ZMYM2: variants seen among roughly 807,000 people sequenced by gnomAD.
ZMYM2 encodes zinc finger MYM-type protein 2.
ZMYM2 carries 56 observed loss-of-function variants against 162.8 expected under a neutral mutation model. The ratio of observed to expected loss-of-function variants is 0.34; its 90% CI spans 0.28 to 0.43. The LOEUF is 0.43. ZMYM2 is among the 20% of genes least tolerant of loss of function. ZMYM2 has a pLI of 1.00. For missense variants in ZMYM2, 1,275 were observed against 1,621.8 expected (o/e 0.79, Z 3.67); for synonymous variants, 510 against 541.6 (o/e 0.94, Z 0.81).
intron 6 of ZMYM2, among the ~76,000 whole-genome samples, chr13:20,017,975 C>A (rs1022653284): frequency 6.6e-6 from 1 of 152,006 alleles, no homozygotes; most frequent in African/African-American, 2.4e-5. Flanking sequence ...TTATTTGAAA[C>A]TTGAACATTT....
chr13:19,963,775 A>G (rs932885522), intron 2 of ZMYM2, among the ~76,000 whole-genome samples: 3 of 152,166 alleles, frequency 2.0e-5, no homozygotes, highest in African/African-American at 7.2e-5. Context: ...GCTTTACACA[A>G]TACTTGAAGC....
At chr13:19,900,698 C>T in the ZMYM2 span, among the ~76,000 whole-genome samples, 99,987 of 151,996 alleles carry the variant, frequency 0.66, 35,804 homozygotes, top group East Asian at 0.88. Flanking sequence ...GATGTAGTGT[C>T]ACTGTGCTTG....
the ZMYM2 span, among the ~76,000 whole-genome samples, chr13:19,892,219 G>A: frequency 0.92 from 139,212 of 151,860 alleles, 65,164 homozygotes; most frequent in Non-Finnish European, 1. Flanking sequence ...CTGGGATTAC[G>A]AGTGTGAGCC....
chr13:19,873,351 C>T, the ZMYM2 span, among the ~76,000 whole-genome samples: 1 of 151,444 alleles, frequency 6.6e-6, no homozygotes, highest in South Asian at 2.1e-4. Flanking sequence ...TTTGAAGAGC[C>T]CAGGCCAGTG....
chr13:19,887,402 G>A, the ZMYM2 span, among the ~76,000 whole-genome samples: 4 of 151,482 alleles, frequency 2.6e-5, no homozygotes, highest in African/African-American at 7.3e-5. Flanking sequence ...GGTGGCGGGC[G>A]CCTGTAATCC....
intron 12 of ZMYM2, among the ~76,000 whole-genome samples, chr13:20,039,580 TC>T (rs1427153404): frequency 1.3e-5 from 2 of 151,430 alleles, no homozygotes; most frequent in Admixed American, 1.3e-4. Context: ...TTCACGTCAT[TC>T]TCCTGCCTCA....
chr13:19,934,691 A>C, the ZMYM2 span, among the ~76,000 whole-genome samples: 1 of 152,012 alleles, frequency 6.6e-6, no homozygotes, highest in Non-Finnish European at 1.5e-5. Context: ...AATGACTCTT[A>C]TTAGAATTCT....
the ZMYM2 span, chr13:19,865,191 A>G: frequency 3.9e-5 from 6 of 152,104 alleles, no homozygotes; most frequent in African/African-American, 7.3e-5. Context: ...TGGGCCACAC[A>G]TAAAATACGC....
chr13:20,075,143 T>A (rs766926327), intron 21 of ZMYM2, among the ~76,000 whole-genome samples: 20 of 152,218 alleles, frequency 1.3e-4, no homozygotes, highest in Non-Finnish European at 2.4e-4. Context: ...TCAAGATGTG[T>A]ACAGAAATAG....
intron 3 of ZMYM2, among the ~76,000 whole-genome samples, chr13:19,997,458 A>G (rs1235872017): frequency 4.6e-5 from 7 of 152,040 alleles, no homozygotes. Flanking sequence ...TTTTTTACTC[A>G]GTTTTGAAAT....
chr13:20,082,750 A>C (rs1480042621), intron 22 of ZMYM2, 31 bp from the exon 23 acceptor site: 1 of 1,465,634 alleles, frequency 6.8e-7, no homozygotes, highest in East Asian at 2.5e-5. Context: ...TATTTATTAT[A>C]ATTCTTTTAA....
intron 6 of ZMYM2, among the ~76,000 whole-genome samples, chr13:20,019,100 CAACAACA>C (rs1951859407): frequency 6.7e-5 from 1 of 14,850 alleles, no homozygotes; most frequent in Non-Finnish European, 3.1e-4. Flanking sequence ...AAAACAACAA[CAACAACA>C]AAAAAAAACA....
chr13:19,871,857 T>A, the ZMYM2 span, among the ~76,000 whole-genome samples: 6 of 152,152 alleles, frequency 3.9e-5, no homozygotes, highest in Admixed American at 3.3e-4. Flanking sequence ...ATTCCCTGAC[T>A]GCAATGCACA....
intron 6 of ZMYM2, 61 bp from the exon 7 acceptor site, chr13:20,019,486 C>A: frequency 7.3e-7 from 1 of 1,379,100 alleles, no homozygotes; most frequent in South Asian, 1.4e-5. Flanking sequence ...GCTTATTTAC[C>A]TTTCAATGTA....
chr13:20,061,355 A>C, intron 17 of ZMYM2, 131 bp downstream of exon 17: 1 of 854,632 alleles, frequency 1.2e-6, no homozygotes, highest in Non-Finnish European at 1.6e-6. Context: ...TTGTAACAAA[A>C]ATGTTTTTTA....
the ZMYM2 span, among the ~76,000 whole-genome samples, chr13:19,918,830 C>T: frequency 2.0e-5 from 3 of 152,104 alleles, no homozygotes; most frequent in African/African-American, 7.2e-5. Context: ...AGTCATAGAA[C>T]TAAAGGAGGC....
chr13:20,069,897 G>A (rs1956952746), intron 21 of ZMYM2, among the ~76,000 whole-genome samples: 1 of 151,776 alleles, frequency 6.6e-6, no homozygotes, highest in East Asian at 1.9e-4. Flanking sequence ...TAATGCCCTG[G>A]TATCTCAAAA....
chr13:20,065,104 A>G (rs1007049000), intron 19 of ZMYM2, among the ~76,000 whole-genome samples: 2 of 152,198 alleles, frequency 1.3e-5, no homozygotes, highest in African/African-American at 2.4e-5. Context: ...TACATGCATT[A>G]ACAAGTGTAA....
At chr13:19,870,543 CTTTCTTT>C in the ZMYM2 span, among the ~76,000 whole-genome samples, 2 of 93,160 alleles carry the variant, frequency 2.1e-5, no homozygotes, top group African/African-American at 8.7e-5. Context: ...CTTTCTCTTT[CTTTCTTT>C]CTTCCTTCCT....
Sources: gnomAD v4.1 joint callset for allele counts (sites outside exome capture counted in the v4.1 genomes callset) on GRCh38, gnomAD v4.1.1 for gene constraint, MANE v1.5 for transcripts, NCBI Gene and HGNC (gene_info 2026-07-23, HGNC 2026-07-21) for gene names.